MAN1A1: variants seen among roughly 807,000 people sequenced by gnomAD.
MAN1A1 encodes the protein mannosyl-oligosaccharide 1,2-alpha-mannosidase IA.
Under a neutral mutation model 70.8 loss-of-function variants are expected in MAN1A1, and 29 were observed. The ratio of observed to expected loss-of-function variants is 0.41; its 90% CI spans 0.31 to 0.56. The LOEUF is 0.56. Ranked by LOEUF, MAN1A1 falls within the 20% of genes least tolerant of loss-of-function variation. MAN1A1 has a pLI of 0.29. For missense variants in MAN1A1, 747 were observed against 841.3 expected, an observed-to-expected ratio of 0.89 and a Z score of 1.39; for synonymous variants, 349 against 330.1, an observed-to-expected ratio of 1.06 and a Z score of -0.62.
At chr6:119,292,393 G>A (rs9489674) in intron 4 of MAN1A1, among the ~76,000 whole-genome samples, 57,360 of 151,598 alleles carry the variant, frequency 0.38, 11,331 homozygotes, top group Non-Finnish European at 0.41. Flanking sequence ...CAAAATCATG[G>A]GATATTATTT....
chr6:119,273,952 T>C (rs549460063), intron 5 of MAN1A1, among the ~76,000 whole-genome samples: 1 of 152,214 alleles, frequency 6.6e-6, no homozygotes, highest in Non-Finnish European at 1.5e-5. Context: ...CAACACCAAG[T>C]AGTGGGGTTG....
At chr6:119,277,733 G>A (rs1203423440) in intron 5 of MAN1A1, among the ~76,000 whole-genome samples, 1 of 151,712 alleles carries the variant, frequency 6.6e-6, no homozygotes, top group Non-Finnish European at 1.5e-5. Flanking sequence ...TCAGGAGATG[G>A]AGACCATCCT....
At chr6:119,279,634 G>GTAT (rs1049675373) in intron 5 of MAN1A1, among the ~76,000 whole-genome samples, 10 of 152,104 alleles carry the variant, frequency 6.6e-5, no homozygotes, top group African/African-American at 2.4e-4. Context: ...TCCTTGTCTT[G>GTAT]TATTTAACAG....
At chr6:119,261,327 G>T (rs1775609172) in intron 5 of MAN1A1, among the ~76,000 whole-genome samples, 1 of 152,106 alleles carries the variant, frequency 6.6e-6, no homozygotes, top group African/African-American at 2.4e-5. Flanking sequence ...CAACATAGTT[G>T]AAACTTTCTA....
At chr6:119,334,871 G>A (rs1055762418) in intron 2 of MAN1A1, among the ~76,000 whole-genome samples, 1 of 152,148 alleles carries the variant, frequency 6.6e-6, no homozygotes, top group Non-Finnish European at 1.5e-5. Flanking sequence ...ATGCCCTGAA[G>A]GTATTTCTCC....
At chr6:119,231,162 A>G (rs1222917100) in intron 6 of MAN1A1, among the ~76,000 whole-genome samples, 1 of 152,186 alleles carries the variant, frequency 6.6e-6, no homozygotes, top group Non-Finnish European at 1.5e-5. Flanking sequence ...GATTAAAGGG[A>G]AAAAGTATGA....
intron 5 of MAN1A1, among the ~76,000 whole-genome samples, chr6:119,263,221 G>C (rs80200933): frequency 0.054 from 8,173 of 151,890 alleles, 311 homozygotes; most frequent in African/African-American, 0.098. Context: ...AATACTTATA[G>C]TTTATTAAAT....
chr6:119,328,750 T>A (rs1773224687), intron 2 of MAN1A1, among the ~76,000 whole-genome samples: 2 of 152,190 alleles, frequency 1.3e-5, no homozygotes, highest in African/African-American at 4.8e-5. Context: ...TTAGACTTCA[T>A]CACATAATGA....
chr6:119,286,202 T>A (rs1057322480), intron 5 of MAN1A1, among the ~76,000 whole-genome samples: 1 of 152,162 alleles, frequency 6.6e-6, no homozygotes, highest in South Asian at 2.1e-4. Context: ...GTGGCAGACA[T>A]TGAGTTTGAA....
chr6:119,284,752 A>C (rs185511361), intron 5 of MAN1A1, among the ~76,000 whole-genome samples: 19 of 152,054 alleles, frequency 1.2e-4, no homozygotes, highest in Non-Finnish European at 2.4e-4. Context: ...GTTATTTGAG[A>C]GATTTTTAAA....
intron 12 of MAN1A1, 75 bp from the exon 13 acceptor site, chr6:119,180,020 C>T: frequency 6.9e-7 from 1 of 1,442,344 alleles, no homozygotes; most frequent in Non-Finnish European, 9.7e-7. Context: ...ACAGCAAAAA[C>T]CACATCAATG....
intron 6 of MAN1A1, among the ~76,000 whole-genome samples, chr6:119,240,645 A>C (rs1315080194): frequency 6.6e-6 from 1 of 152,228 alleles, no homozygotes; most frequent in Non-Finnish European, 1.5e-5. Context: ...CCTGAGGTTC[A>C]GGCATCCTGA....
intron 5 of MAN1A1, among the ~76,000 whole-genome samples, chr6:119,280,247 T>C (rs1203100875): frequency 6.6e-6 from 1 of 152,218 alleles, no homozygotes; most frequent in African/African-American, 2.4e-5. Flanking sequence ...ATCTCTAATG[T>C]CTAGCTGCTA....
At chr6:119,244,745 T>C (rs1480824139) in intron 6 of MAN1A1, among the ~76,000 whole-genome samples, 1 of 152,104 alleles carries the variant, frequency 6.6e-6, no homozygotes, top group Non-Finnish European at 1.5e-5. Context: ...ACTTATTATC[T>C]CTCCTTGGTC....
At chr6:119,262,317 G>C (rs1775633728) in intron 5 of MAN1A1, among the ~76,000 whole-genome samples, 1 of 151,948 alleles carries the variant, frequency 6.6e-6, no homozygotes, top group African/African-American at 2.4e-5. Context: ...TGATAACCAT[G>C]GGAAAAAGAA....
chr6:119,210,161 G>C (rs575592988), intron 6 of MAN1A1, among the ~76,000 whole-genome samples: 1 of 152,212 alleles, frequency 6.6e-6, no homozygotes, highest in East Asian at 1.9e-4. Flanking sequence ...AGACAAAGAT[G>C]GCGAGAGGCA....
intron 2 of MAN1A1, among the ~76,000 whole-genome samples, chr6:119,319,713 C>G (rs1167638086): frequency 6.6e-6 from 1 of 151,824 alleles, no homozygotes; most frequent in Non-Finnish European, 1.5e-5. Flanking sequence ...ATATATTTAC[C>G]CCACAACCAA....
chr6:119,332,666 A>C (rs969703396), intron 2 of MAN1A1, among the ~76,000 whole-genome samples: 5 of 151,906 alleles, frequency 3.3e-5, no homozygotes, highest in Non-Finnish European at 5.9e-5. Flanking sequence ...AAAATACAAA[A>C]ATTAGCTGGG....
chr6:119,223,269 A>G (rs1489163308), intron 6 of MAN1A1, among the ~76,000 whole-genome samples: 1 of 152,154 alleles, frequency 6.6e-6, no homozygotes, highest in African/African-American at 2.4e-5. Flanking sequence ...ATTACAAGTG[A>G]TATTTTTCTT....
Sources: gnomAD v4.1 joint callset for allele counts (sites outside exome capture counted in the v4.1 genomes callset) on GRCh38, gnomAD v4.1.1 for gene constraint, MANE v1.5 for transcripts, NCBI Gene and HGNC (gene_info 2026-07-23, HGNC 2026-07-21) for gene names.